CADM2: variants seen among roughly 807,000 people sequenced by gnomAD.
CADM2 encodes the protein cell adhesion molecule 2.
A neutral mutation model predicts 49.8 loss-of-function variants in CADM2; 12 were observed. That is an observed-to-expected ratio of 0.24 (90% CI 0.15 to 0.39). The LOEUF is 0.39. CADM2 is among the 10% of genes least tolerant of loss of function. CADM2 has a pLI of 1.00. For synonymous variants in CADM2, 214 were observed against 175.4 expected (o/e 1.22, Z -1.74); for missense variants, 378 against 492.3 (o/e 0.77, Z 2.20).
intron 7 of CADM2, among the ~76,000 whole-genome samples, chr3:85,942,186 G>A (rs1300832126): frequency 6.6e-6 from 1 of 151,766 alleles, no homozygotes; most frequent in East Asian, 2.0e-4. Flanking sequence ...CTAAAAAATT[G>A]CTAGGACAGC....
chr3:85,381,642 G>A (rs1035018289), intron 1 of CADM2, among the ~76,000 whole-genome samples: 1 of 150,878 alleles, frequency 6.6e-6, no homozygotes, highest in African/African-American at 2.4e-5. Context: ...TTTTCTTGCA[G>A]CAAGATATGA....
intron 1 of CADM2, among the ~76,000 whole-genome samples, chr3:85,181,871 G>T (rs1004596192): frequency 1.3e-5 from 2 of 148,616 alleles, no homozygotes; most frequent in Non-Finnish European, 3.0e-5. Context: ...TTAATTTACC[G>T]TGTAAGAATT....
chr3:85,746,381 C>G (rs777403064), intron 2 of CADM2, among the ~76,000 whole-genome samples: 10 of 152,132 alleles, frequency 6.6e-5, no homozygotes, highest in Non-Finnish European at 1.3e-4. Context: ...TCTCCACCTA[C>G]TCATTGAAAA....
chr3:85,327,762 T>C (rs2044796770), intron 1 of CADM2, among the ~76,000 whole-genome samples: 1 of 152,180 alleles, frequency 6.6e-6, no homozygotes, highest in Non-Finnish European at 1.5e-5. Context: ...TTTACAGATT[T>C]TGTTTGGCCT....
In CADM2 at chr3:85,493,130, G is replaced by A. The variant is rs538710377; in HGVS notation, c.62-233392G>A. Among the ~76,000 whole-genome samples, 48 of 152,032 alleles carry A rather than the reference G, an allele frequency of 3.2e-4. No homozygotes were observed. The South Asian group carries it at 9.5e-3, about 30-fold the overall frequency. ...TACGGCATATTGTATTCCAATATTA[G>A]TAACATTTATTAATATAATAATTTT... On this transcript the variant is annotated intron_variant, in intron 1 of 9. Coordinates refer to ENST00000383699, the MANE Select transcript of CADM2 (RefSeq NM_001167675.2).
chr3:85,417,990 G>A (rs987949007), intron 1 of CADM2, among the ~76,000 whole-genome samples: 4 of 152,136 alleles, frequency 2.6e-5, no homozygotes, highest in African/African-American at 9.6e-5. Context: ...GGAAGGTACT[G>A]GAACCAAAGC....
chr3:85,181,588 G>A (rs1033131423), intron 1 of CADM2, among the ~76,000 whole-genome samples: 5 of 151,916 alleles, frequency 3.3e-5, no homozygotes, highest in East Asian at 3.9e-4. Flanking sequence ...AAACTTTAGC[G>A]GGGAAGTTTC....
intron 1 of CADM2, among the ~76,000 whole-genome samples, chr3:85,654,993 AGTTAACAAAGTGGCCCAAGGTCACACT>A (rs1487029098): frequency 3.9e-5 from 6 of 152,214 alleles, no homozygotes; most frequent in Non-Finnish European, 7.3e-5. Context: ...GAATTAAATC[AGTTAACAAAGTGGCCCAAGGTCACACT>A]GTTAGTTGAG....
chr3:85,243,252 G>A (rs1283633649), intron 1 of CADM2, among the ~76,000 whole-genome samples: 1 of 151,832 alleles, frequency 6.6e-6, no homozygotes, highest in Non-Finnish European at 1.5e-5. Flanking sequence ...ATTCCTGAAT[G>A]TTTTGGTTAA....
chr3:85,129,729 C>A (rs2039162484), intron 1 of CADM2, among the ~76,000 whole-genome samples: 1 of 152,102 alleles, frequency 6.6e-6, no homozygotes, highest in Admixed American at 6.6e-5. Context: ...ATTTTACAAC[C>A]CTTCTCCATT....
intron 1 of CADM2, among the ~76,000 whole-genome samples, chr3:85,565,615 C>G (rs2107204034): frequency 6.6e-6 from 1 of 152,080 alleles, no homozygotes. Flanking sequence ...AATCATATGT[C>G]TAGTCTCTCT....
rs1480325053 is a variant in CADM2 at position 85,051,449 on chromosome 3, T to A, written c.61+91781T>A. ...GGTTGAAACGATCACTGGAGATATT[T>A]AAAAATATTTTTATCAAGGTCAAAG... On this transcript the variant is annotated intron_variant, in intron 1 of 9. Transcript: ENST00000383699. Among the ~76,000 whole-genome samples, 3 of 152,260 alleles carry A rather than the reference T, an allele frequency of 2.0e-5. No individual in the cohort carries two copies. The East Asian group carries it at 5.8e-4, about 29-fold the overall frequency.
chr3:85,817,717 A>G (rs141278478), intron 3 of CADM2, among the ~76,000 whole-genome samples: 133 of 152,248 alleles, frequency 8.7e-4, no homozygotes, highest in African/African-American at 3.1e-3. Flanking sequence ...AACCAATCTC[A>G]GTTCCAGCTT....
intron 1 of CADM2, among the ~76,000 whole-genome samples, chr3:85,724,010 T>G (rs1042783795): frequency 5.9e-5 from 9 of 151,764 alleles, no homozygotes; most frequent in African/African-American, 2.2e-4. Flanking sequence ...TAAAAATAAC[T>G]CAGTCTTAAA....
chr3:85,324,267 A>C (rs548359918), intron 1 of CADM2, among the ~76,000 whole-genome samples: 1 of 152,186 alleles, frequency 6.6e-6, no homozygotes, highest in Non-Finnish European at 1.5e-5. Flanking sequence ...TCCTAATAGT[A>C]TATAGGAATA....
At chr3:85,466,751 A>C (rs941964058) in intron 1 of CADM2, among the ~76,000 whole-genome samples, 2 of 152,230 alleles carry the variant, frequency 1.3e-5, no homozygotes, top group Non-Finnish European at 2.9e-5. Context: ...TAACAAAAAA[A>C]AATTATTACC....
intron 1 of CADM2, among the ~76,000 whole-genome samples, chr3:85,670,292 ATAAC>A (rs1324122683): frequency 1.3e-5 from 2 of 152,208 alleles, no homozygotes; most frequent in African/African-American, 2.4e-5. Context: ...TCAGGAGAGA[ATAAC>A]TAAGTAGAAA....
At chr3:85,157,502 A>G (rs1236974123) in intron 1 of CADM2, among the ~76,000 whole-genome samples, 2 of 152,204 alleles carry the variant, frequency 1.3e-5, no homozygotes, top group African/African-American at 4.8e-5. Context: ...ATATAGATCA[A>G]TGAAACAGAA....
intron 1 of CADM2, among the ~76,000 whole-genome samples, chr3:85,149,160 A>G (rs1683685109): frequency 6.6e-6 from 1 of 152,072 alleles, no homozygotes; most frequent in African/African-American, 2.4e-5. Context: ...ATCTTTTTAA[A>G]TAAGGTTGCC....
Sources: gnomAD v4.1 joint callset for allele counts (sites outside exome capture counted in the v4.1 genomes callset) on GRCh38, gnomAD v4.1.1 for gene constraint, MANE v1.5 for transcripts, NCBI Gene and HGNC (gene_info 2026-07-23, HGNC 2026-07-21) for gene names.